Variants in UBE2E2 observed in about 807,000 individuals in gnomAD.
The protein encoded by UBE2E2 is ubiquitin conjugating enzyme E2 E2, also known as ubiquitin-conjugating enzyme E2 E2.
A neutral mutation model predicts 24.7 loss-of-function variants in UBE2E2; 6 were observed. The observed-to-expected ratio is 0.24, with a 90% CI of 0.13 to 0.48. The LOEUF (loss-of-function observed/expected upper bound fraction) is 0.48, where lower values mean the gene tolerates loss of function less well. Ranked by LOEUF, UBE2E2 falls within the 20% of genes least tolerant of loss-of-function variation. The pLI is 0.99. For synonymous variants in UBE2E2, 104 were observed against 83.6 expected (o/e 1.24, Z -1.33); for missense variants, 169 against 245.0 (o/e 0.69, Z 2.07).
At chr3:23,535,663 G>T (rs1267859213) in intron 5 of UBE2E2, among the ~76,000 whole-genome samples, 1 of 121,750 alleles carries the variant, frequency 8.2e-6, no homozygotes. Context: ...TCGCTCTGTC[G>T]CCCAGGCTGG....
chr3:23,331,419 A>G (rs1695054636), intron 3 of UBE2E2, among the ~76,000 whole-genome samples: 1 of 152,098 alleles, frequency 6.6e-6, no homozygotes, highest in South Asian at 2.1e-4. Flanking sequence ...CAAATAAACT[A>G]TATCATATGT....
chr3:23,574,313 A>G (rs1366287476), intron 5 of UBE2E2, among the ~76,000 whole-genome samples: 1 of 152,214 alleles, frequency 6.6e-6, no homozygotes, highest in Non-Finnish European at 1.5e-5. Context: ...AGTGTTTGCT[A>G]GCACAACAGG....
intron 3 of UBE2E2, among the ~76,000 whole-genome samples, chr3:23,278,967 T>G (rs953343296): frequency 2.6e-5 from 4 of 152,152 alleles, no homozygotes; most frequent in Admixed American, 6.6e-5. Context: ...TTGATAATTT[T>G]AAAAGGATAC....
intron 3 of UBE2E2, among the ~76,000 whole-genome samples, chr3:23,366,737 A>G (rs1025693211): frequency 8.5e-5 from 13 of 152,168 alleles, no homozygotes; most frequent in African/African-American, 2.7e-4. Flanking sequence ...CCTGTATAAC[A>G]AACCTGCACG....
intron 4 of UBE2E2, among the ~76,000 whole-genome samples, chr3:23,510,232 T>C (rs977958561): frequency 6.6e-6 from 1 of 152,180 alleles, no homozygotes; most frequent in Non-Finnish European, 1.5e-5. Flanking sequence ...CCACCTGTCC[T>C]TTCGCAGGTG....
chr3:23,493,233 G>A (rs575119852), intron 3 of UBE2E2, among the ~76,000 whole-genome samples: 3 of 152,272 alleles, frequency 2.0e-5, no homozygotes, highest in Non-Finnish European at 4.4e-5. Flanking sequence ...ACAGCAGATT[G>A]AAAGTATTCA....
At chr3:23,292,660 C>T (rs1698799795) in intron 3 of UBE2E2, among the ~76,000 whole-genome samples, 1 of 152,222 alleles carries the variant, frequency 6.6e-6, no homozygotes, top group Non-Finnish European at 1.5e-5. Context: ...CTAGAGTAGC[C>T]TAGTGGTGAA....
intron 3 of UBE2E2, among the ~76,000 whole-genome samples, chr3:23,261,759 T>C (rs1376701590): frequency 6.6e-6 from 1 of 152,234 alleles, no homozygotes; most frequent in East Asian, 1.9e-4. Context: ...CATAATGCGC[T>C]TCAGAATCAT....
chr3:23,463,657 C>T (rs1346216226), intron 3 of UBE2E2, among the ~76,000 whole-genome samples: 1 of 152,074 alleles, frequency 6.6e-6, no homozygotes, highest in Non-Finnish European at 1.5e-5. Flanking sequence ...CATTGTTTCT[C>T]TAAAATGTTT....
At chr3:23,466,193 G>A (rs768755379) in intron 3 of UBE2E2, among the ~76,000 whole-genome samples, 4 of 152,156 alleles carry the variant, frequency 2.6e-5, no homozygotes, top group African/African-American at 7.2e-5. Context: ...ATGACTTCAT[G>A]ATTTTTTAAA....
intron 3 of UBE2E2, among the ~76,000 whole-genome samples, chr3:23,286,884 TATTTA>T (rs1198963869): frequency 1.3e-5 from 2 of 152,294 alleles, no homozygotes; most frequent in Middle Eastern, 3.4e-3. Context: ...AATTTGTAGG[TATTTA>T]ATTTTATCTG....
In UBE2E2 at chr3:23,372,587, C is replaced by A. The variant is rs149965284; in HGVS notation, c.228-127021C>A. Among the ~76,000 whole-genome samples, 34 of 152,190 alleles carry A rather than the reference C, an allele frequency of 2.2e-4. No homozygotes were observed. The East Asian group carries it at 6.2e-3, about 28-fold the overall frequency. On this transcript the variant is annotated intron_variant, in intron 3 of 5. Transcript: ENST00000396703. ...TCCATTTTAAAGATTGTGCATGCAC[C>A]ATGGGGTCTGTACAGTGAAAGACTG...
At chr3:23,457,262 A>C (rs1161457415) in intron 3 of UBE2E2, among the ~76,000 whole-genome samples, 1 of 152,206 alleles carries the variant, frequency 6.6e-6, no homozygotes, top group Non-Finnish European at 1.5e-5. Flanking sequence ...TTCATCTGCA[A>C]CTGACGCATC....
intron 3 of UBE2E2, among the ~76,000 whole-genome samples, chr3:23,262,834 G>A (rs964849718): frequency 1.3e-5 from 2 of 152,146 alleles, no homozygotes; most frequent in East Asian, 1.9e-4. Flanking sequence ...AATCCTTGCC[G>A]AGAAAAATGT....
At chr3:23,286,016 T>C (rs1352695720) in intron 3 of UBE2E2, among the ~76,000 whole-genome samples, 1 of 152,154 alleles carries the variant, frequency 6.6e-6, no homozygotes, top group Non-Finnish European at 1.5e-5. Context: ...ATTTTAAAAT[T>C]AGATGATTAA....
chr3:23,458,821 A>G (rs1698740520), intron 3 of UBE2E2, among the ~76,000 whole-genome samples: 4 of 152,200 alleles, frequency 2.6e-5, no homozygotes, highest in Non-Finnish European at 2.9e-5. Context: ...ACTGCTGGAA[A>G]ATGGTGCTGA....
chr3:23,379,864 G>C lies in UBE2E2; in HGVS notation c.228-119744G>C, dbSNP rs115567346. Among the ~76,000 whole-genome samples, 1,172 of 152,090 alleles carry C rather than the reference G, an allele frequency of 7.7e-3. 12 individuals carry two copies. The highest frequency in any genetic ancestry group is 0.021 in the African/African-American group (861 of 41,490). ...CCTAGGGCAGAAAGGAGTTTGGTCC[G>C]TTAGACAAACTCAGAGTAATCCTGT... On this transcript the variant is annotated intron_variant, in intron 3 of 5. Coordinates refer to ENST00000396703, the MANE Select transcript of UBE2E2 (RefSeq NM_152653.4).
intron 3 of UBE2E2, among the ~76,000 whole-genome samples, chr3:23,362,927 G>C (rs1250885920): frequency 2.2e-5 from 1 of 45,926 alleles, no homozygotes; most frequent in Admixed American, 2.4e-4. Context: ...ACCCCATCAG[G>C]CTAACAGTGA....
chr3:23,503,519 A>T (rs1418229110), intron 4 of UBE2E2, among the ~76,000 whole-genome samples: 2 of 152,048 alleles, frequency 1.3e-5, no homozygotes, highest in African/African-American at 4.8e-5. Flanking sequence ...GCTGGGGATT[A>T]GCTTTTAGAT....
Sources: gnomAD v4.1 joint callset for allele counts (sites outside exome capture counted in the v4.1 genomes callset) on GRCh38, gnomAD v4.1.1 for gene constraint, MANE v1.5 for transcripts, NCBI Gene and HGNC (gene_info 2026-07-23, HGNC 2026-07-21) for gene names.